The following GSDMA variants were observed in gnomAD, a reference collection of about 807,000 sequenced individuals.
The protein encoded by GSDMA is gasdermin-A.
In GSDMA, 55 loss-of-function variants were observed where a neutral mutation model predicts 54.3. The observed-to-expected ratio is 1.01, with a 90% CI of 0.82 to 1.27. The LOEUF is 1.27. Among genes scored for constraint, GSDMA ranks in the 50% most tolerant of loss-of-function variants. The pLI is 0.00. For missense variants in GSDMA, 542 were observed against 542.6 expected (o/e 1.00, Z 0.01); for synonymous variants, 211 against 224.7 (o/e 0.94, Z 0.54).
intron 9 of GSDMA, 60 bp downstream of exon 9, chr17:39,974,487 TG>T: frequency 8.0e-7 from 1 of 1,255,470 alleles, no homozygotes. Context: ...GAAGATTTGG[TG>T]GGGGCGGGTA....
rs1210695130 is a variant in GSDMA, at chr17:39,975,977, C to T, written c.1075C>T (p.Leu359=). ...LLVKSMEKKI[L]PVQLKLVEST... ...GGTGAAATCCATGGAGAAAAAGATCCTACCCGTGCAGCTAAAGCTGGTGAG... is the reference window on the plus strand; with the variant it reads ...GGTGAAATCCATGGAGAAAAAGATCTTACCCGTGCAGCTAAAGCTGGTGAG... The change falls in exon 11 of 12, where the codon CTA becomes TTA. Residue 359 remains leucine, a synonymous_variant. Coordinates refer to ENST00000301659, the MANE Select transcript of GSDMA (RefSeq NM_178171.5). 1.3e-6 allele frequency: 2 copies of T among 1,598,200 alleles called. No individual in the cohort carries two copies.
intron 5 of GSDMA, 108 bp from the exon 6 acceptor site, chr17:39,972,021 G>C: frequency 1.5e-6 from 1 of 668,496 alleles, no homozygotes; most frequent in Non-Finnish European, 2.6e-6. Flanking sequence ...GAAGCATTTG[G>C]GGTGCAAGGT....
chr17:39,972,629 C>T lies in GSDMA; in HGVS notation c.730+16C>T. ...AAGGTCATCCGTAAGTGTTTCCTTT[C>T]ATTCCACTGAAACTTTCTTGACTCC... On this transcript the variant is annotated intron_variant, in intron 7 of 11. Coordinates refer to ENST00000301659, the MANE Select transcript of GSDMA (RefSeq NM_178171.5). 1.2e-6 allele frequency: 2 copies of T among 1,608,770 alleles called. No homozygotes were observed. Among genetic ancestry groups the T allele is most frequent in the Non-Finnish European group, 1.7e-6 (2 of 1,176,632 alleles).
chr17:39,965,759 T>G lies in GSDMA; in HGVS notation c.72T>G (p.Leu24=), dbSNP rs762416464. Residue 24 remains leucine (L), a synonymous_variant, in exon 2 of 12, where the codon CTT becomes CTG. Transcript: ENST00000301659. ...QLNPRGDLTP[L]DSLIDFKRFH... ...ACCCTCGAGGGGACCTGACACCACT[T>G]GACAGCCTCATCGACTTCAAGCGCT... 5.0e-6 allele frequency: 8 copies of G among 1,611,748 alleles called. No homozygotes were observed. The highest frequency in any genetic ancestry group is 5.9e-6 in the Non-Finnish European group (7 of 1,179,040).
intron 3 of GSDMA, among the ~76,000 whole-genome samples, chr17:39,969,235 A>G (rs1979817272): frequency 1.3e-5 from 2 of 151,742 alleles, no homozygotes; most frequent in Admixed American, 1.3e-4. Context: ...CTAGAGTCCC[A>G]GCTACTCAGG....
chr17:39,963,341 G>T (rs1420077331), intron 1 of GSDMA, among the ~76,000 whole-genome samples: 1 of 8,024 alleles, frequency 1.2e-4, no homozygotes, highest in Non-Finnish European at 2.4e-4. Context: ...CCAGGAATGA[G>T]GGTGAAAAAA....
rs372126863 is a variant in GSDMA at position 39,970,540 on chromosome 17, T to C, written c.451T>C (p.Tyr151His). The C allele has an allele frequency of 6.8e-6, 11 of 1,607,862 alleles. No homozygotes were observed. The African/African-American group carries it at 1.5e-4, about 22-fold the overall frequency. ...KEMQDQGENL[Y>H]VVMEVVETVQ... ...GATGCAAGATCAAGGGGAGAACCTG[T>C]ATGTGGTGATGGAGGTGGTGGAGAC... Residue 151 changes from tyrosine (Y) to histidine (H), a missense_variant, in exon 4 of 12, where the codon TAT becomes CAT. By Grantham distance (83) the Tyr-to-His change is moderately conservative. Coordinates refer to ENST00000301659, the MANE Select transcript of GSDMA (RefSeq NM_178171.5).
chr17:39,977,014 T>C lies in GSDMA; in HGVS notation c.1294T>C (p.Tyr432His), dbSNP rs750288430. The change falls in exon 12 of 12, where the codon TAT becomes CAT. Residue 432 changes from tyrosine to histidine, a missense_variant. Tyr to His is a moderately conservative substitution (Grantham distance 83). Coordinates refer to ENST00000301659, the MANE Select transcript of GSDMA (RefSeq NM_178171.5). ...PDTLPRLCAL[Y>H]AGLSLLQQLT... is the part of the protein sequence containing the mutation. ...CACCCTCCCTCGCCTCTGTGCTCTT[T>C]ATGCAGGCCTCTCTCTCCTTCAGCA... The C allele has an allele frequency of 6.2e-7, 1 of 1,613,962 alleles. No homozygotes were observed. Among genetic ancestry groups the C allele is most frequent in the South Asian group, 1.1e-5 (1 of 91,078 alleles).
At chr17:39,966,538 A>G in intron 3 of GSDMA, 101 bp downstream of exon 3, 1 of 1,074,058 alleles carries the variant, frequency 9.3e-7, no homozygotes, top group Non-Finnish European at 1.3e-6. Context: ...CCTTGCACTG[A>G]CCTTTGCCAA....
At chr17:39,966,826 A>G (rs960983310) in intron 3 of GSDMA, among the ~76,000 whole-genome samples, 7 of 152,184 alleles carry the variant, frequency 4.6e-5, no homozygotes, top group Non-Finnish European at 7.3e-5. Context: ...TACACTAGAA[A>G]AAGGAGGGAT....
At chr17:39,963,904 C>T (rs999509004) in intron 1 of GSDMA, among the ~76,000 whole-genome samples, 2 of 152,146 alleles carry the variant, frequency 1.3e-5, no homozygotes, top group Non-Finnish European at 2.9e-5. Context: ...GCCCCACATT[C>T]TCCAGGGCCC....
chr17:39,974,348 G>A lies in GSDMA; in HGVS notation c.827G>A (p.Arg276Gln), dbSNP rs768611795. Reference sequence around the variant, plus strand: ...ACCCAACAAGTGGAGAAGCTGAGCCGAGTAGGGCAAAGCTCCCTGCTCAGC... The same window carrying A: ...ACCCAACAAGTGGAGAAGCTGAGCCAAGTAGGGCAAAGCTCCCTGCTCAGC... ...RETQQVEKLS[R>Q]VGQSSLLSSL... The change falls in exon 9 of 12, where the codon CGA (arginine) becomes CAA (glutamine). Residue 276 changes from arginine (R) to glutamine (Q), a missense_variant. Coordinates refer to ENST00000301659, the MANE Select transcript of GSDMA (RefSeq NM_178171.5). The A allele has an allele frequency of 1.4e-5, 22 of 1,606,692 alleles. No individual in the cohort carries two copies. Among genetic ancestry groups the A allele is most frequent in the Admixed American group, 1.7e-5 (1 of 58,808 alleles).
At chr17:39,974,523 G>C in intron 9 of GSDMA, 96 bp downstream of exon 9, 2 of 1,350,410 alleles carry the variant, frequency 1.5e-6, no homozygotes, top group Non-Finnish European at 2.0e-6. Context: ...GAGATCTGAC[G>C]GGGGCAGGAG....
intron 3 of GSDMA, among the ~76,000 whole-genome samples, chr17:39,967,189 A>G (rs1417378867): frequency 6.6e-6 from 1 of 152,244 alleles, no homozygotes; most frequent in East Asian, 1.9e-4. Flanking sequence ...TAGGAAGGTG[A>G]AAATTTTAAA....
chr17:39,964,902 G>A (rs1477779763), intron 1 of GSDMA, among the ~76,000 whole-genome samples: 2 of 152,164 alleles, frequency 1.3e-5, no homozygotes, highest in African/African-American at 2.4e-5. Flanking sequence ...TGAGGTGGGA[G>A]GATCACTTGA....
intron 1 of GSDMA, 92 bp from the exon 2 acceptor site, chr17:39,965,590 TA>T: frequency 2.3e-6 from 2 of 875,476 alleles, no homozygotes; most frequent in Non-Finnish European, 3.7e-6. Context: ...CAGAGCCGGG[TA>T]AACTCTCTCT....
intron 11 of GSDMA, 43 bp downstream of exon 11, chr17:39,976,040 C>G (rs779841606): frequency 5.3e-5 from 76 of 1,447,582 alleles, no homozygotes; most frequent in Non-Finnish European, 6.9e-5. Context: ...CTGGGAGTAG[C>G]TGCAGCCAGT....
rs1172709627 is a variant in GSDMA at position 39,975,991 on chromosome 17, A to G, written c.1089A>G (p.Leu363=). The G allele has an allele frequency of 6.3e-7, 1 of 1,589,752 alleles. No homozygotes were observed. Among genetic ancestry groups the G allele is most frequent in the South Asian group, 1.1e-5 (1 of 87,050 alleles). The part of the protein sequence containing the change: ...SMEKKILPVQ[L]KLVESTMEQN... ...AGAAAAAGATCCTACCCGTGCAGCT[A>G]AAGCTGGTGAGGGAAAAACAGCAGA... The change falls in exon 11 of 12, where the codon CTA becomes CTG. Residue 363 remains leucine (L), a synonymous_variant. Transcript: ENST00000301659.
intron 1 of GSDMA, among the ~76,000 whole-genome samples, chr17:39,965,176 G>GGGAA (rs1245114836): frequency 2.8e-5 from 4 of 145,390 alleles, no homozygotes; most frequent in South Asian, 4.5e-4. Flanking sequence ...AAGGAAGGAA[G>GGGAA]GGAAGGAAGG....
Sources: allele counts gnomAD v4.1 joint callset (sites outside exome capture counted in the v4.1 genomes callset), GRCh38; gene constraint gnomAD v4.1.1; transcripts MANE v1.5; gene names NCBI Gene and HGNC (gene_info 2026-07-23, HGNC 2026-07-21).